Variants in ZCCHC4 observed in about 807,000 individuals in gnomAD.
ZCCHC4 encodes the protein rRNA N(6)-adenosine-methyltransferase ZCCHC4.
Under a neutral mutation model 67.7 loss-of-function variants are expected in ZCCHC4, and 54 were observed. The observed-to-expected ratio is 0.80, with a 90% CI of 0.64 to 1.00. ZCCHC4 has a LOEUF of 1.00. ZCCHC4 is among the 50% of genes least tolerant of loss of function. The probability of loss-of-function intolerance (pLI) is 0.00; values close to 1 mark genes in which losing one functional copy is unlikely to be tolerated. For missense variants in ZCCHC4, 609 were observed against 617.0 expected (o/e 0.99, Z 0.14); for synonymous variants, 198 against 213.5 (o/e 0.93, Z 0.63).
At chr4:25,322,888 T>C (rs1332244582) in intron 3 of ZCCHC4, among the ~76,000 whole-genome samples, 2 of 152,188 alleles carry the variant, frequency 1.3e-5, no homozygotes, top group Non-Finnish European at 2.9e-5. Flanking sequence ...AATCTATATA[T>C]GGTAGTAGAA....
At chr4:25,334,430 A>G (rs150477691) in intron 5 of ZCCHC4, among the ~76,000 whole-genome samples, 15 of 152,304 alleles carry the variant, frequency 9.8e-5, no homozygotes, top group Admixed American at 9.8e-4. Flanking sequence ...CTTTCACTGA[A>G]CATAGCCTGG....
chr4:25,334,260 C>T (rs1374194708), intron 5 of ZCCHC4, among the ~76,000 whole-genome samples: 1 of 152,180 alleles, frequency 6.6e-6, no homozygotes, highest in Non-Finnish European at 1.5e-5. Flanking sequence ...ACAGATGAAT[C>T]TCTATTGAGT....
At chr4:25,338,194 C>T (rs1045105233) in intron 5 of ZCCHC4, among the ~76,000 whole-genome samples, 2 of 152,154 alleles carry the variant, frequency 1.3e-5, no homozygotes, top group Admixed American at 6.5e-5. Context: ...TGGGTTCAAG[C>T]GATCCTCCTA....
chr4:25,336,525 C>T (rs759344266), intron 5 of ZCCHC4, among the ~76,000 whole-genome samples: 17 of 152,166 alleles, frequency 1.1e-4, no homozygotes, highest in Non-Finnish European at 2.1e-4. Context: ...CTGGCTCTGT[C>T]ACCCAGGCTG....
At chr4:25,366,193 C>G (rs1264162074) in intron 12 of ZCCHC4, 2 of 977,970 alleles carry the variant, frequency 2.0e-6, no homozygotes, top group African/African-American at 3.5e-5. Context: ...CACTTGAATT[C>G]TGGCTACTAT....
chr4:25,365,705 A>G (rs1044775419), intron 12 of ZCCHC4: 13 of 985,112 alleles, frequency 1.3e-5, no homozygotes, highest in African/African-American at 1.7e-5. Flanking sequence ...GATTATTTTC[A>G]CATCTCTCAC....
At chr4:25,329,473 T>C (rs1379607588) in intron 3 of ZCCHC4, among the ~76,000 whole-genome samples, 2 of 151,710 alleles carry the variant, frequency 1.3e-5, no homozygotes, top group Non-Finnish European at 2.9e-5. Context: ...GTAAGGTGTT[T>C]TGTTTTTTTT....
At chr4:25,337,196 G>T (rs1479254061) in intron 5 of ZCCHC4, among the ~76,000 whole-genome samples, 2 of 151,864 alleles carry the variant, frequency 1.3e-5, no homozygotes, top group African/African-American at 4.8e-5. Context: ...TTTTTTCTTT[G>T]GAGACCTGGA....
intron 6 of ZCCHC4, among the ~76,000 whole-genome samples, chr4:25,348,798 T>C (rs1050992461): frequency 2.6e-5 from 4 of 152,290 alleles, no homozygotes; most frequent in African/African-American, 9.6e-5. Flanking sequence ...GTGGAGATAC[T>C]GTTATATGGT....
rs1383690958 is a variant in ZCCHC4, at chr4:25,333,884, AT to A, written c.606-21del. 2.0e-6 allele frequency: 3 copies of A among 1,523,968 alleles called. No individual in the cohort carries two copies. The African/African-American group carries it at 4.2e-5, about 21-fold the overall frequency. 94.4% of individuals were successfully genotyped at this position (1,523,968 alleles called of 1,614,324 possible). A position where few individuals can be genotyped will look rare whatever the true frequency, so the allele number is the denominator to read the frequency against. On this transcript the variant is annotated intron_variant, in intron 4 of 12. Transcript: ENST00000302874. ...TATGACATTTGTAATATCTTATTAC[AT>A]TTGCTTTCACTAATTGCTTTAGGTT...
intron 3 of ZCCHC4, among the ~76,000 whole-genome samples, chr4:25,326,449 G>C (rs1718889893): frequency 1.3e-5 from 2 of 152,174 alleles, no homozygotes; most frequent in African/African-American, 2.4e-5. Context: ...GTAGGATGTG[G>C]GGAGTGAGGG....
chr4:25,350,254 C>CTTTTTTT (rs751802021), intron 7 of ZCCHC4, among the ~76,000 whole-genome samples: 7 of 84,912 alleles, frequency 8.2e-5, no homozygotes, highest in East Asian at 4.0e-4. Context: ...GGTACTGCTT[C>CTTTTTTT]TTTTTTTTTT....
At chr4:25,355,939 C>T (rs1340808138) in intron 8 of ZCCHC4, among the ~76,000 whole-genome samples, 2 of 152,090 alleles carry the variant, frequency 1.3e-5, no homozygotes, top group Non-Finnish European at 2.9e-5. Context: ...AGAACACAAT[C>T]CTTAGGGAGT....
At chr4:25,361,826 A>G in intron 8 of ZCCHC4, 33 bp from the exon 9 acceptor site, 3 of 1,568,726 alleles carry the variant, frequency 1.9e-6, no homozygotes, top group Non-Finnish European at 2.6e-6. Flanking sequence ...ATTTGAGTAA[A>G]TTTTCTTTCT....
At position 25,365,180 on chromosome 4, in the gene ZCCHC4, T is replaced by A. The variant is rs1452111286; in HGVS notation, c.1406+14T>A. 6.2e-7 allele frequency: 1 copy of A among 1,612,460 alleles called. No homozygotes were observed. Among genetic ancestry groups the A allele is most frequent in the Non-Finnish European group, 8.5e-7 (1 of 1,179,270 alleles). ...GAGAGCTAACAAGTCAGTCGAATAC[T>A]TTACTAGAAAAATGTATTCCATCTG... On this transcript the variant is annotated intron_variant, in intron 12 of 12. Transcript: ENST00000302874.
chr4:25,350,254 CTTTT>C (rs751802021), intron 7 of ZCCHC4, among the ~76,000 whole-genome samples: 94 of 84,884 alleles, frequency 1.1e-3, no homozygotes, highest in African/African-American at 4.7e-3. Flanking sequence ...GGTACTGCTT[CTTTT>C]TTTTTTTTTT....
intron 8 of ZCCHC4, among the ~76,000 whole-genome samples, chr4:25,357,880 T>C (rs1720574819): frequency 6.6e-6 from 1 of 152,030 alleles, no homozygotes; most frequent in Admixed American, 6.6e-5. Flanking sequence ...ACTCCCAGAG[T>C]TTCTGTTTTA....
chr4:25,317,177 C>G (rs973412690), intron 3 of ZCCHC4, among the ~76,000 whole-genome samples: 23 of 152,102 alleles, frequency 1.5e-4, no homozygotes, highest in Admixed American at 8.5e-4. Flanking sequence ...TTCATTTTAC[C>G]TGGGCTGCTG....
intron 11 of ZCCHC4, 59 bp downstream of exon 11, chr4:25,364,564 T>C (rs1476402591): frequency 2.2e-6 from 3 of 1,367,610 alleles, no homozygotes; most frequent in Non-Finnish European, 2.0e-6. Flanking sequence ...TTTTTCTCCA[T>C]CTAAATAGAT....
Sources: allele counts gnomAD v4.1 joint callset (sites outside exome capture counted in the v4.1 genomes callset), GRCh38; gene constraint gnomAD v4.1.1; transcripts MANE v1.5; gene names NCBI Gene and HGNC (gene_info 2026-07-23, HGNC 2026-07-21).